PAX7: variants seen among roughly 807,000 people sequenced by gnomAD.
PAX7 encodes paired box 7, also known as paired box protein Pax-7.
In PAX7, 18 loss-of-function variants were observed where a neutral mutation model predicts 50.7. The ratio of observed to expected loss-of-function variants is 0.36; its 90% confidence interval spans 0.25 to 0.53. The LOEUF (loss-of-function observed/expected upper bound fraction) is 0.53. Among genes scored for constraint, PAX7 ranks in the 20% least tolerant of loss-of-function variants. The pLI, the probability that PAX7 is intolerant of heterozygous loss-of-function variation, is 0.93. For synonymous variants in PAX7, 310 were observed against 290.4 expected (o/e 1.07, Z -0.69); for missense variants, 644 against 702.9 (o/e 0.92, Z 0.95).
At chr1:18,644,999 C>T (rs1300393229) in intron 4 of PAX7, among the ~76,000 whole-genome samples, 3 of 152,192 alleles carry the variant, frequency 2.0e-5, no homozygotes, top group African/African-American at 4.8e-5. Flanking sequence ...GCGGTGGAGA[C>T]AGAAAATAAA....
rs1057459825 is a variant in PAX7 at position 18,747,634 on chromosome 1, C to A, written c.*2705C>A. 14 of 210,816 alleles carry A rather than the reference C, an allele frequency of 6.6e-5. No homozygotes were observed. The highest frequency in any genetic ancestry group is 1.6e-4 in the African/African-American group (7 of 44,128). 13.1% of individuals were successfully genotyped at this position (210,816 alleles called of 1,614,324 possible). A position where few individuals can be genotyped will look rare whatever the true frequency, so the allele number is the denominator to read the frequency against. ...AGTGGCCAGGCCGTCCCAGAAACAACCCCCATCCATCCCTGTAAATAGAGT... is the reference window on the plus strand; with the variant it reads ...AGTGGCCAGGCCGTCCCAGAAACAAACCCCATCCATCCCTGTAAATAGAGT... On this transcript the variant is annotated 3_prime_UTR_variant, in exon 9 of 9. Transcript: ENST00000420770.
chr1:18,730,182 G>A (rs1278764059), intron 7 of PAX7, among the ~76,000 whole-genome samples: 1 of 152,122 alleles, frequency 6.6e-6, no homozygotes, highest in East Asian at 1.9e-4. Context: ...AACTCTCTAG[G>A]TAGCTACAAT....
intron 5 of PAX7, among the ~76,000 whole-genome samples, chr1:18,694,879 T>C (rs585075): frequency 0.27 from 40,653 of 152,144 alleles, 5,735 homozygotes; most frequent in East Asian, 0.39. Context: ...AAAAGCACAA[T>C]GTCCAGTCAA....
At position 18,735,917 on chromosome 1, in the gene PAX7, C is replaced by T. The variant is rs2089707352; in HGVS notation, c.1402+39C>T. 1 of 1,613,900 alleles carries T rather than the reference C, an allele frequency of 6.2e-7. No homozygotes were observed. Among genetic ancestry groups the T allele is most frequent in the African/African-American group, 1.3e-5 (1 of 74,916 alleles). Reference sequence around the variant, plus strand: ...GCCCTGGGCGTCCCCCGTCCCCATTCCTTCTCCCACCCCCAGGGCCTCCTG... The same window carrying T: ...GCCCTGGGCGTCCCCCGTCCCCATTTCTTCTCCCACCCCCAGGGCCTCCTG... On this transcript the variant is annotated intron_variant, in intron 8 of 8. Coordinates refer to ENST00000420770, the MANE Select transcript of PAX7 (RefSeq NM_001135254.2). The surrounding 1 kb of genome is among the most constrained non-coding windows in gnomAD (Gnocchi z 4.0).
intron 6 of PAX7, among the ~76,000 whole-genome samples, chr1:18,701,967 A>C (rs980945142): frequency 2.6e-5 from 4 of 152,018 alleles, no homozygotes; most frequent in African/African-American, 9.7e-5. Flanking sequence ...CCCCTACCTC[A>C]CCGGAACTTG....
At chr1:18,660,855 A>T (rs887567132) in intron 4 of PAX7, among the ~76,000 whole-genome samples, 2 of 152,190 alleles carry the variant, frequency 1.3e-5, no homozygotes, top group South Asian at 4.1e-4. Flanking sequence ...AGGATGAGTT[A>T]GGGGAGAAAT....
chr1:18,732,424 A>G (rs2236801), intron 7 of PAX7, among the ~76,000 whole-genome samples: 7,678 of 152,344 alleles, frequency 0.05, 256 homozygotes, highest in East Asian at 0.081. Context: ...AGGCACTGGG[A>G]CTACAGAGAC....
rs757534502 is a variant in PAX7 at position 18,747,025 on chromosome 1, T to C, written c.*2096T>C. The C allele has an allele frequency of 7.8e-5, 18 of 230,924 alleles. No individual in the cohort carries two copies. The highest frequency in any genetic ancestry group is 1.5e-4 in the Non-Finnish European group (17 of 116,622). The allele number at this position is 230,924 out of a possible 1,614,324, so 14.3% of individuals were successfully genotyped here. On this transcript the variant is annotated 3_prime_UTR_variant, in exon 9 of 9. Coordinates refer to ENST00000420770, the MANE Select transcript of PAX7 (RefSeq NM_001135254.2). ...GCTCGGGACAAAAAAGAAGACTCTG[T>C]TGTCCCTTGGTAACCCAGTCCCTGC...
chr1:18,716,622 G>C (rs1277033655), intron 7 of PAX7, among the ~76,000 whole-genome samples: 1 of 138,784 alleles, frequency 7.2e-6, no homozygotes, highest in African/African-American at 2.8e-5. Flanking sequence ...CTTGCTCACC[G>C]TCTCCCTGAT....
intron 6 of PAX7, among the ~76,000 whole-genome samples, chr1:18,701,945 A>G (rs2089227611): frequency 6.6e-6 from 1 of 152,130 alleles, no homozygotes. Context: ...GTAGGGGAAG[A>G]AGGGTTCCCT....
intron 4 of PAX7, among the ~76,000 whole-genome samples, chr1:18,661,674 G>A (rs2088601364): frequency 6.6e-6 from 1 of 152,260 alleles, no homozygotes; most frequent in Admixed American, 6.5e-5. Flanking sequence ...TAGGTGCTCA[G>A]AGTATGGGCC....
At chr1:18,708,892 G>A (rs2089315756) in intron 7 of PAX7, among the ~76,000 whole-genome samples, 1 of 152,182 alleles carries the variant, frequency 6.6e-6, no homozygotes, top group African/African-American at 2.4e-5. Context: ...CCAAGAGACA[G>A]GTGGGGAAGA....
intron 4 of PAX7, among the ~76,000 whole-genome samples, chr1:18,677,158 G>T (rs528496555): frequency 6.6e-6 from 1 of 152,326 alleles, no homozygotes; most frequent in African/African-American, 2.4e-5. Context: ...GGAGGCAGTA[G>T]CAGGGGAAAT....
chr1:18,739,089 A>T (rs1282656391), intron 8 of PAX7, among the ~76,000 whole-genome samples: 2 of 152,192 alleles, frequency 1.3e-5, no homozygotes, highest in Non-Finnish European at 2.9e-5. Flanking sequence ...CCCTCTGCCC[A>T]AGTTCATCCC....
In PAX7 at chr1:18,631,667, C is replaced by T. The variant is rs764959341; in HGVS notation, c.64C>T (p.Arg22Cys). ...GCCGGCTCCGGGGCAGAACTACCCC[C>T]GCACGGGATTCCCTTTGGAAGGTAA... The part of the protein sequence containing the change: ...MRPAPGQNYP[R>C]TGFPLEVSTP... Residue 22 changes from arginine (R) to cysteine (C), a missense_variant, in exon 1 of 9, where the codon CGC becomes TGC. Physicochemically the swap from Arg to Cys is radical, Grantham distance 180. Transcript: ENST00000420770. 4 of 1,612,866 alleles carry T rather than the reference C, an allele frequency of 2.5e-6. No individual in the cohort carries two copies. The highest frequency in any genetic ancestry group is 2.2e-5 in the South Asian group (2 of 90,600).
chr1:18,706,138 C>T (rs1048403476), intron 7 of PAX7, among the ~76,000 whole-genome samples: 3 of 152,220 alleles, frequency 2.0e-5, no homozygotes, highest in Non-Finnish European at 2.9e-5. Flanking sequence ...GCCCTCCCTC[C>T]TCACTCTGGG....
chr1:18,638,958 T>TA (rs2088205069), intron 4 of PAX7, among the ~76,000 whole-genome samples: 1 of 152,158 alleles, frequency 6.6e-6, no homozygotes, highest in South Asian at 2.1e-4. Context: ...CAGGGGGAGT[T>TA]GTGCACACCC....
At chr1:18,713,663 T>C (rs1458113992) in intron 7 of PAX7, among the ~76,000 whole-genome samples, 4 of 152,290 alleles carry the variant, frequency 2.6e-5, no homozygotes, top group East Asian at 1.9e-4. Flanking sequence ...AGAGTATTCA[T>C]TGTAGACAAT....
intron 1 of PAX7, among the ~76,000 whole-genome samples, chr1:18,633,385 AAGGCAACC>A (rs2088089420): frequency 6.6e-6 from 1 of 152,150 alleles, no homozygotes; most frequent in Non-Finnish European, 1.5e-5. Context: ...ACTTTGCATT[AAGGCAACC>A]AGGCGTTCTC....
Sources: allele counts gnomAD v4.1 joint callset (sites outside exome capture counted in the v4.1 genomes callset), GRCh38; gene constraint gnomAD v4.1.1; non-coding constraint Gnocchi (gnomAD v3.1); transcripts MANE v1.5; gene names NCBI Gene and HGNC (gene_info 2026-07-23, HGNC 2026-07-21).